The following VPS13A variants were observed in gnomAD, a reference collection of about 807,000 sequenced individuals.
The protein encoded by VPS13A is intermembrane lipid transfer protein VPS13A.
Under a neutral mutation model 390.9 loss-of-function variants are expected in VPS13A, and 264 were observed. That is an observed-to-expected ratio of 0.68 (90% CI 0.61 to 0.75). The LOEUF (loss-of-function observed/expected upper bound fraction) is 0.75, where lower values mean the gene tolerates loss of function less well. Ranked by LOEUF, VPS13A falls within the 30% of genes least tolerant of loss-of-function variation. The pLI, the probability that VPS13A is intolerant of heterozygous loss-of-function variation, is 0.00. For synonymous variants in VPS13A, 1,231 were observed against 1,227.1 expected, an observed-to-expected ratio of 1.00 and a Z score of -0.07; for missense variants, 3,409 against 3,733.9, an observed-to-expected ratio of 0.91 and a Z score of 2.27.
At chr9:77,387,060 C>T (rs1833718743) in intron 68 of VPS13A, among the ~76,000 whole-genome samples, 1 of 151,464 alleles carries the variant, frequency 6.6e-6, no homozygotes, top group Non-Finnish European at 1.5e-5. Flanking sequence ...GTGAAATTAT[C>T]TTTTCAAACC....
At position 77,283,572 on chromosome 9, in the gene VPS13A, G is replaced by A; in HGVS notation, c.3261G>A (p.Arg1087=). ...IEGLDSEMIM[R]PSETEINAKL... ...GGCTTGATTCTGAGATGATTATGAG[G>A]CCTTCAGAAACTGAAATAAACGCAA... The change falls in exon 31 of 72, where the codon AGG becomes AGA. Residue 1087 remains arginine (R), a synonymous_variant. Coordinates refer to ENST00000360280, the MANE Select transcript of VPS13A (RefSeq NM_033305.3). 2 of 1,613,218 alleles carry A rather than the reference G, an allele frequency of 1.2e-6. No individual in the cohort carries two copies. Among genetic ancestry groups the A allele is most frequent in the Admixed American group, 3.3e-5 (2 of 59,980 alleles).
intron 26 of VPS13A, among the ~76,000 whole-genome samples, chr9:77,277,249 G>A (rs1826737861): frequency 6.6e-6 from 1 of 152,060 alleles, no homozygotes; most frequent in South Asian, 2.1e-4. Context: ...GAGCAGAGGT[G>A]GAAATAAAAT....
chr9:77,269,538 T>C (rs1436647304), intron 23 of VPS13A, among the ~76,000 whole-genome samples: 1 of 152,226 alleles, frequency 6.6e-6, no homozygotes, highest in Non-Finnish European at 1.5e-5. Context: ...CCTTTTAGAA[T>C]CAACTTATCA....
chr9:77,359,216 A>T, intron 57 of VPS13A, 117 bp from the exon 58 acceptor site: 1 of 859,322 alleles, frequency 1.2e-6, no homozygotes, highest in Non-Finnish European at 1.9e-6. Context: ...CAGTAATTTT[A>T]ACTGATATTT....
chr9:77,275,126 A>T lies in VPS13A; in HGVS notation c.2513-372A>T, dbSNP rs566603923. Among the ~76,000 whole-genome samples the T allele has an allele frequency of 1.1e-4, 16 of 152,270 alleles. No individual in the cohort carries two copies. In the South Asian group the frequency reaches 3.3e-3, roughly 32 times the overall value. On this transcript the variant is annotated intron_variant, in intron 24 of 71. Transcript: ENST00000360280. ...TACACTATCCAGGTAGAGTGAGCAT[A>T]TTAACATATTACTTTGAGTATTCAT...
intron 68 of VPS13A, chr9:77,395,867 A>G (rs1350590812): frequency 6.6e-6 from 1 of 152,158 alleles, no homozygotes; most frequent in South Asian, 2.1e-4. Flanking sequence ...TTTCCTTTCA[A>G]GGTTAACAGA....
rs912370116 is a variant in VPS13A, at chr9:77,197,261, A to G, written c.101-2684A>G. Among the ~76,000 whole-genome samples the G allele has an allele frequency of 9.2e-5, 14 of 152,266 alleles. 1 individual carries two copies. The South Asian group carries it at 1.2e-3, about 14-fold the overall frequency. ...GCTGTTGGTGGGTGGAGTGTTCTGT[A>G]TGTGTCTTTTGGTCCAGTTGGTCAA... On this transcript the variant is annotated intron_variant, in intron 1 of 71. Coordinates refer to ENST00000360280, the MANE Select transcript of VPS13A (RefSeq NM_033305.3).
At position 77,340,194 on chromosome 9, in the gene VPS13A, C is replaced by A; in HGVS notation, c.6791C>A (p.Thr2264Asn). ...FNNNKVQLMVTDSELSNQFSI... is the reference protein window; with the variant it reads ...FNNNKVQLMVNDSELSNQFSI... ...TTTTCCTAGGTTCAACTTATGGTAA[C>A]TGATAGTGAGTTGTCCAATCAGTTT... is the stretch of plus-strand genomic sequence containing the variant. The change falls in exon 49 of 72, where the codon ACT becomes AAT. Residue 2264 changes from threonine (T) to asparagine (N), a missense_variant. By Grantham distance (65) the Thr-to-Asn change is moderately conservative. This residue lies in a region of VPS13A where 2,717 missense variants were observed against 2,917.4 expected (regional missense o/e 0.93). Coordinates refer to ENST00000360280, the MANE Select transcript of VPS13A (RefSeq NM_033305.3). 6.2e-7 allele frequency: 1 copy of A among 1,613,084 alleles called. No individual in the cohort carries two copies. The highest frequency in any genetic ancestry group is 1.3e-5 in the African/African-American group (1 of 74,982).
At chr9:77,320,956 A>C (rs1008530660) in intron 42 of VPS13A, among the ~76,000 whole-genome samples, 3 of 152,026 alleles carry the variant, frequency 2.0e-5, no homozygotes, top group Non-Finnish European at 2.9e-5. Flanking sequence ...CCATTTTACT[A>C]TCACTGATGA....
intron 22 of VPS13A, among the ~76,000 whole-genome samples, chr9:77,259,816 A>G (rs762111592): frequency 6.6e-6 from 1 of 152,230 alleles, no homozygotes; most frequent in Non-Finnish European, 1.5e-5. Flanking sequence ...TGCCTGTCAC[A>G]TGAGAAACAC....
intron 22 of VPS13A, among the ~76,000 whole-genome samples, chr9:77,254,258 C>A (rs1172818307): frequency 6.6e-6 from 1 of 152,138 alleles, no homozygotes; most frequent in East Asian, 1.9e-4. Context: ...CTTTTGCATG[C>A]AAATATCTCA....
Position 77,416,183 on chromosome 9 carries a change from A to G in VPS13A, c.*177A>G, listed in dbSNP as rs923488754. The G allele has an allele frequency of 2.0e-5, 13 of 663,274 alleles. No homozygotes were observed. The highest frequency in any genetic ancestry group is 2.9e-5 in the Non-Finnish European group (11 of 380,622). 41.1% of individuals were successfully genotyped at this position (663,274 alleles called of 1,614,324 possible). On this transcript the variant is annotated 3_prime_UTR_variant, in exon 72 of 72. Coordinates refer to ENST00000360280, the MANE Select transcript of VPS13A (RefSeq NM_033305.3). ...AAAAAAACAAAACCAGAATCAGGTA[A>G]AACAGCTATGTGATTAAAATATTTT... is the stretch of plus-strand genomic sequence containing the variant.
At chr9:77,334,786 G>A (rs1487355742) in intron 46 of VPS13A, among the ~76,000 whole-genome samples, 2 of 152,174 alleles carry the variant, frequency 1.3e-5, no homozygotes, top group Non-Finnish European at 2.9e-5. Context: ...TTGTCTTTAA[G>A]TATTAGAAGT....
chr9:77,323,299 C>A (rs1587581543), intron 45 of VPS13A, 72 bp downstream of exon 45: 1 of 1,526,950 alleles, frequency 6.5e-7, no homozygotes, highest in Non-Finnish European at 9.1e-7. Context: ...AAAACAACAA[C>A]AACAAATTAT....
chr9:77,213,213 TC>T lies in VPS13A; in HGVS notation c.616-20del. ...AAAATTCTTCAAAGAAAATGAGACA[TC>T]TAATAAATTTTATTTTCAGTTAATC... is the stretch of plus-strand genomic sequence containing the variant. On this transcript the variant is annotated intron_variant, in intron 8 of 71. Coordinates refer to ENST00000360280, the MANE Select transcript of VPS13A (RefSeq NM_033305.3). The T allele has an allele frequency of 6.2e-7, 1 of 1,605,502 alleles. No homozygotes were observed. Among genetic ancestry groups the T allele is most frequent in the South Asian group, 1.1e-5 (1 of 90,822 alleles).
chr9:77,292,294 T>C (rs1028813857), intron 31 of VPS13A, among the ~76,000 whole-genome samples: 23 of 152,276 alleles, frequency 1.5e-4, no homozygotes, highest in Admixed American at 1.5e-3. Flanking sequence ...TTCTTACCTA[T>C]ATTGTATAGT....
intron 35 of VPS13A, among the ~76,000 whole-genome samples, chr9:77,310,413 C>CTA (rs1383942503): frequency 4.6e-5 from 7 of 152,090 alleles, no homozygotes; most frequent in African/African-American, 1.7e-4. Flanking sequence ...ACAGAGTTAG[C>CTA]TATATTATAT....
At chr9:77,409,107 G>T (rs1250160194) in intron 71 of VPS13A, among the ~76,000 whole-genome samples, 1 of 152,204 alleles carries the variant, frequency 6.6e-6, no homozygotes, top group African/African-American at 2.4e-5. Context: ...ACTTCCAGAG[G>T]AACAATCAGG....
chr9:77,235,985 A>G (rs80010929), intron 17 of VPS13A, among the ~76,000 whole-genome samples: 2,712 of 152,304 alleles, frequency 0.018, 78 homozygotes, highest in African/African-American at 0.062. Flanking sequence ...TACATAAGCT[A>G]TTTAACATTT....
Sources: allele counts gnomAD v4.1 joint callset (sites outside exome capture counted in the v4.1 genomes callset), GRCh38; gene constraint gnomAD v4.1.1; regional missense constraint gnomAD v4.1.1; transcripts MANE v1.5; gene names NCBI Gene and HGNC (gene_info 2026-07-23, HGNC 2026-07-21).